The following STAU2 variants were observed in gnomAD, a reference collection of about 807,000 sequenced individuals.
The protein encoded by STAU2 is double-stranded RNA-binding protein Staufen homolog 2.
A neutral mutation model predicts 65.9 loss-of-function variants in STAU2; 20 were observed. The ratio of observed to expected loss-of-function variants is 0.30; its 90% CI spans 0.21 to 0.44. The LOEUF is 0.44. STAU2 is among the 20% of genes least tolerant of loss of function. The probability of loss-of-function intolerance (pLI) is 1.00; values close to 1 mark genes in which losing one functional copy is unlikely to be tolerated. For synonymous variants in STAU2, 232 were observed against 233.9 expected, an observed-to-expected ratio of 0.99 and a Z score of 0.07; for missense variants, 558 against 683.9, an observed-to-expected ratio of 0.82 and a Z score of 2.05.
chr8:73,467,135 C>T (rs2128903416), intron 13 of STAU2, among the ~76,000 whole-genome samples: 1 of 152,364 alleles, frequency 6.6e-6, no homozygotes, highest in East Asian at 1.9e-4. Flanking sequence ...TGCCACTGGA[C>T]TCAGGGCAGA....
intron 12 of STAU2, among the ~76,000 whole-genome samples, chr8:73,581,357 CA>C (rs1461030305): frequency 1.3e-5 from 2 of 151,990 alleles, no homozygotes; most frequent in East Asian, 3.9e-4. Context: ...TCTTGGTCAC[CA>C]TATGTATGCA....
chr8:73,451,358 C>T (rs766280447), intron 13 of STAU2, among the ~76,000 whole-genome samples: 5 of 151,952 alleles, frequency 3.3e-5, no homozygotes, highest in African/African-American at 4.8e-5. Flanking sequence ...CAGGACTGGA[C>T]AAGATGACAT....
chr8:73,732,904 C>G (rs77875439), intron 3 of STAU2: 1 of 152,068 alleles, frequency 6.6e-6, no homozygotes, highest in Non-Finnish European at 1.5e-5. Flanking sequence ...AGCACCAATG[C>G]TAAGCATTTT....
intron 4 of STAU2, among the ~76,000 whole-genome samples, chr8:73,706,864 G>A (rs1018271163): frequency 1.3e-5 from 2 of 152,164 alleles, no homozygotes; most frequent in Non-Finnish European, 2.9e-5. Flanking sequence ...CCAGCAGTGA[G>A]ACAAGGAGAT....
chr8:73,626,074 TACACACAC>T (rs57076627), intron 6 of STAU2, among the ~76,000 whole-genome samples: 66 of 146,164 alleles, frequency 4.5e-4, no homozygotes, highest in African/African-American at 1.5e-3. Flanking sequence ...TAAGTACACA[TACACACAC>T]ACACACACAC....
At chr8:73,654,682 C>A (rs1586202470) in intron 6 of STAU2, among the ~76,000 whole-genome samples, 1 of 72,430 alleles carries the variant, frequency 1.4e-5, no homozygotes, top group Non-Finnish European at 3.0e-5. Flanking sequence ...AATTATCAAA[C>A]CTTTTTTTTT....
intron 13 of STAU2, chr8:73,511,367 T>C (rs550441335): frequency 6.5e-6 from 1 of 153,030 alleles, no homozygotes; most frequent in East Asian, 1.9e-4. Context: ...TATTTACTAG[T>C]GGAAACCTTC....
intron 13 of STAU2, among the ~76,000 whole-genome samples, chr8:73,486,798 G>A (rs1471951063): frequency 2.0e-5 from 3 of 151,316 alleles, no homozygotes; most frequent in East Asian, 2.0e-4. Context: ...GACTACAGGC[G>A]TGTGCCACCA....
At chr8:73,577,223 T>C (rs1809628044) in intron 12 of STAU2, among the ~76,000 whole-genome samples, 1 of 151,960 alleles carries the variant, frequency 6.6e-6, no homozygotes, top group African/African-American at 2.4e-5. Flanking sequence ...GGTCAGGAGA[T>C]CGAGACCATC....
At chr8:73,603,465 T>C (rs1811786057) in intron 10 of STAU2, among the ~76,000 whole-genome samples, 1 of 152,226 alleles carries the variant, frequency 6.6e-6, no homozygotes, top group African/African-American at 2.4e-5. Context: ...AGTTAAAAGA[T>C]AGGCATTAAA....
In STAU2 at chr8:73,678,693, A is replaced by C. The variant is rs775983374; in HGVS notation, c.275-5451T>G. ...AAATATATCATGGTGGTGGTATGCTACTAATGATCAACCAGTATTCTGAAG... is the reference window on the plus strand; with the variant it reads ...AAATATATCATGGTGGTGGTATGCTCCTAATGATCAACCAGTATTCTGAAG... On this transcript the variant is annotated intron_variant, in intron 5 of 14. Transcript: ENST00000524300. 2.8e-4 allele frequency among the ~76,000 whole-genome samples: 42 copies of C among 152,240 alleles called. 2 individuals are homozygous for C. The highest frequency in any genetic ancestry group is 5.6e-4 in the Non-Finnish European group (38 of 68,044).
intron 11 of STAU2, among the ~76,000 whole-genome samples, chr8:73,589,091 C>T (rs976207643): frequency 6.6e-6 from 1 of 152,164 alleles, no homozygotes; most frequent in Non-Finnish European, 1.5e-5. Context: ...AAAATCCTCT[C>T]AAAACCTCAC....
intron 4 of STAU2, among the ~76,000 whole-genome samples, chr8:73,704,204 T>G (rs1447341001): frequency 6.6e-6 from 1 of 152,194 alleles, no homozygotes; most frequent in Non-Finnish European, 1.5e-5. Flanking sequence ...TCAGCCAAAT[T>G]CAAGATGTAG....
intron 6 of STAU2, chr8:73,652,693 C>T (rs918511982): frequency 6.6e-6 from 1 of 150,914 alleles, no homozygotes; most frequent in Non-Finnish European, 1.5e-5. Flanking sequence ...CCATTGCACT[C>T]CAGCCTAGGT....
At chr8:73,442,083 A>G (rs915288292) in intron 13 of STAU2, among the ~76,000 whole-genome samples, 1 of 152,092 alleles carries the variant, frequency 6.6e-6, no homozygotes, top group Non-Finnish European at 1.5e-5. Context: ...GGCCAGGCGC[A>G]GTGGCTCACA....
At chr8:73,466,940 T>C (rs763106746) in intron 13 of STAU2, among the ~76,000 whole-genome samples, 5 of 152,244 alleles carry the variant, frequency 3.3e-5, no homozygotes, top group African/African-American at 4.8e-5. Flanking sequence ...GTGCCCACCA[T>C]GGCCTGTTAG....
intron 6 of STAU2, among the ~76,000 whole-genome samples, chr8:73,642,158 T>C (rs1268359933): frequency 6.6e-6 from 1 of 152,214 alleles, no homozygotes; most frequent in Non-Finnish European, 1.5e-5. Context: ...TCCCACTTGA[T>C]CTACCCATAA....
At chr8:73,548,225 T>A (rs1807072498) in intron 13 of STAU2, among the ~76,000 whole-genome samples, 1 of 148,662 alleles carries the variant, frequency 6.7e-6, no homozygotes, top group Non-Finnish European at 1.5e-5. Context: ...CTTGTATTGA[T>A]CTCCTAACAA....
intron 3 of STAU2, among the ~76,000 whole-genome samples, chr8:73,724,681 A>G (rs896483360): frequency 4.8e-4 from 60 of 123,948 alleles, no homozygotes; most frequent in African/African-American, 1.7e-3. Flanking sequence ...GTGTGTATAT[A>G]TATATATATA....
Sources: gnomAD v4.1 joint callset for allele counts (sites outside exome capture counted in the v4.1 genomes callset) on GRCh38, gnomAD v4.1.1 for gene constraint, MANE v1.5 for transcripts, NCBI Gene and HGNC (gene_info 2026-07-23, HGNC 2026-07-21) for gene names.